The following SLC2A1 variants were observed in gnomAD, a reference collection of about 807,000 sequenced individuals.
The protein encoded by SLC2A1 is solute carrier family 2 member 1, also known as solute carrier family 2, facilitated glucose transporter member 1.
A neutral mutation model predicts 46.6 loss-of-function variants in SLC2A1; 4 were observed. That is an observed-to-expected ratio of 0.09 (90% CI 0.04 to 0.20). The LOEUF (loss-of-function observed/expected upper bound fraction) is 0.20. Ranked by LOEUF, SLC2A1 falls within the 10% of genes least tolerant of loss-of-function variation. The probability of loss-of-function intolerance (pLI) is 1.00; values close to 1 mark genes in which losing one functional copy is unlikely to be tolerated. For missense variants in SLC2A1, 352 were observed against 667.0 expected (o/e 0.53, Z 5.20); for synonymous variants, 253 against 270.0 (o/e 0.94, Z 0.62).
intron 1 of SLC2A1, among the ~76,000 whole-genome samples, chr1:42,943,567 T>C (rs1194160974): frequency 6.6e-6 from 1 of 152,084 alleles, no homozygotes; most frequent in African/African-American, 2.4e-5. Context: ...CTTCTCTCTC[T>C]GTAGCCAGGT....
At chr1:42,949,442 C>T (rs1448249696) in intron 1 of SLC2A1, among the ~76,000 whole-genome samples, 1 of 152,154 alleles carries the variant, frequency 6.6e-6, no homozygotes, top group Non-Finnish European at 1.5e-5. Flanking sequence ...ACCCTCTGAC[C>T]GGTTCCATCC....
chr1:42,953,985 C>T (rs1643749176), intron 1 of SLC2A1, among the ~76,000 whole-genome samples: 1 of 152,194 alleles, frequency 6.6e-6, no homozygotes, highest in East Asian at 1.9e-4. Flanking sequence ...AGCCAAGTCT[C>T]TATTTACTGA....
At chr1:42,952,425 A>G (rs751020517) in intron 1 of SLC2A1, 2 of 475,680 alleles carry the variant, frequency 4.2e-6, no homozygotes, top group South Asian at 3.0e-5. Context: ...CGAGTTGGGG[A>G]TAAGGACTTC....
In SLC2A1 at chr1:42,954,959, T is replaced by C. The variant is rs894309102; in HGVS notation, c.18+3675A>G. Among the ~76,000 whole-genome samples, 50 of 152,148 alleles carry C rather than the reference T, an allele frequency of 3.3e-4. No homozygotes were observed. Among genetic ancestry groups the C allele is most frequent in the African/African-American group, 1.2e-3 (50 of 41,420 alleles). ...GCAGGGCACTCACATGAGCTGACCC[T>C]CCCTGGCCTGGCACTCTCACCCATG... On this transcript the variant is annotated intron_variant, in intron 1 of 9. Transcript: ENST00000426263. This position sits in a 1 kb window ranked among gnomAD's most constrained non-coding sequence, Gnocchi z 4.2.
intron 2 of SLC2A1, among the ~76,000 whole-genome samples, chr1:42,938,905 T>C (rs1643569026): frequency 6.6e-6 from 1 of 152,212 alleles, no homozygotes; most frequent in Non-Finnish European, 1.5e-5. Context: ...TGAAGCCCTC[T>C]GTTAGTGACA....
Position 42,929,377 on chromosome 1 carries a change from G to T in SLC2A1, c.868-63C>A. The T allele has an allele frequency of 7.3e-7, 1 of 1,365,100 alleles. No individual in the cohort carries two copies. Among genetic ancestry groups the T allele is most frequent in the Non-Finnish European group, 1.0e-6 (1 of 971,150 alleles). The allele number at this position is 1,365,100 out of a possible 1,614,324, so 84.6% of individuals were successfully genotyped here. A position where few individuals can be genotyped will look rare whatever the true frequency, so the allele number is the denominator to read the frequency against. On this transcript the variant is annotated intron_variant, in intron 6 of 9. Coordinates refer to ENST00000426263, the MANE Select transcript of SLC2A1 (RefSeq NM_006516.4). This position sits in a 1 kb window ranked among gnomAD's most constrained non-coding sequence, Gnocchi z 6.0. ...ATTGTGGCCCTTCCCTGCCTCTGTA[G>T]CAGTGGATGTGGGACCCAGGATGAG...
rs150229879 is a variant in SLC2A1 at position 42,928,041 on chromosome 1, G to A, written c.1075-233C>T. On this transcript the variant is annotated intron_variant, in intron 8 of 9. Transcript: ENST00000426263. ...GAGTCCACCCGCTGGGAGTGGTAAT[G>A]TGGTGTGCATGTGGACGGTGCTAAG... Among the ~76,000 whole-genome samples, 866 of 152,352 alleles carry A rather than the reference G, an allele frequency of 5.7e-3. 5 individuals carry two copies. Among genetic ancestry groups the A allele is most frequent in the African/African-American group, 0.02 (813 of 41,574 alleles).
intron 2 of SLC2A1, among the ~76,000 whole-genome samples, chr1:42,940,447 C>G (rs1643586139): frequency 6.6e-6 from 1 of 152,236 alleles, no homozygotes; most frequent in Non-Finnish European, 1.5e-5. Context: ...CGGCCGTGGA[C>G]AAACCAGACA....
At chr1:42,942,575 C>T (rs908960872) in intron 2 of SLC2A1, among the ~76,000 whole-genome samples, 4 of 151,438 alleles carry the variant, frequency 2.6e-5, no homozygotes, top group Non-Finnish European at 2.9e-5. Flanking sequence ...CCCTGTGGCT[C>T]CCTAGGGCAA....
chr1:42,929,978 T>G lies in SLC2A1; in HGVS notation c.574A>C (p.Ile192Leu), dbSNP rs746393667. The change falls in exon 5 of 10, where the codon ATC becomes CTC. Residue 192 changes from isoleucine to leucine, a missense_variant. By Grantham distance (5) the Ile-to-Leu change is conservative. This residue lies in a region of SLC2A1 where 167 missense variants were observed against 280.8 expected (regional missense o/e 0.59). Coordinates refer to ENST00000426263, the MANE Select transcript of SLC2A1 (RefSeq NM_006516.4). This position sits in a 1 kb window ranked among gnomAD's most constrained non-coding sequence, Gnocchi z 6.0. ...TGCAGCAGGGCCGGGATGAAGATGA[T>G]GCTCAGCAGCAGGGGCCACAGGTCC... ...NKDLWPLLLS[I>L]IFIPALLQCI... is the part of the protein sequence containing the mutation. 6.8e-6 allele frequency: 11 copies of G among 1,614,090 alleles called. No homozygotes were observed. The South Asian group carries it at 1.2e-4, about 18-fold the overall frequency.
In SLC2A1 at chr1:42,946,069, C is replaced by T. The variant is rs554702137; in HGVS notation, c.19-2748G>A. Among the ~76,000 whole-genome samples, 6 of 152,320 alleles carry T rather than the reference C, an allele frequency of 3.9e-5. No individual in the cohort carries two copies. In the East Asian group the frequency reaches 1.2e-3, roughly 29 times the overall value. On this transcript the variant is annotated intron_variant, in intron 1 of 9. Coordinates refer to ENST00000426263, the MANE Select transcript of SLC2A1 (RefSeq NM_006516.4). ...CTATGTGAGGTAAGTGCTATTATCA[C>T]AGGCCCTGTTTTACTGAGGTCTGCA...
rs373091595 is a variant in SLC2A1, at chr1:42,929,795, G to A, written c.680-15C>T. On this transcript the variant is annotated splice_polypyrimidine_tract_variant and intron_variant, in intron 5 of 9. Coordinates refer to ENST00000426263, the MANE Select transcript of SLC2A1 (RefSeq NM_006516.4). The surrounding 1 kb of genome is among the most constrained non-coding windows in gnomAD (Gnocchi z 6.0). The stretch of plus-strand genomic sequence containing the variant: ...CTTCTTTAGCACTGGGGGGACCGGA[G>A]GGAAGGTGAGGGTGGCTCAGAGTGG... 7 of 1,614,136 alleles carry A rather than the reference G, an allele frequency of 4.3e-6. No individual in the cohort carries two copies. Among genetic ancestry groups the A allele is most frequent in the African/African-American group, 1.3e-5 (1 of 74,946 alleles).
chr1:42,952,178 G>C (rs548627193), intron 1 of SLC2A1: 5 of 506,518 alleles, frequency 9.9e-6, no homozygotes, highest in Non-Finnish European at 1.8e-5. Flanking sequence ...AATAAGCAGG[G>C]GTGATCTTTA....
At chr1:42,949,324 G>A (rs1480556030) in intron 1 of SLC2A1, among the ~76,000 whole-genome samples, 1 of 152,128 alleles carries the variant, frequency 6.6e-6, no homozygotes, top group Non-Finnish European at 1.5e-5. Flanking sequence ...CTGTAACATC[G>A]GCACTTGACA....
In SLC2A1 at chr1:42,929,698, C is replaced by T. The variant is rs1198285991; in HGVS notation, c.762G>A (p.Glu254=). 5 of 1,613,910 alleles carry T rather than the reference C, an allele frequency of 3.1e-6. No individual in the cohort carries two copies. The South Asian group carries it at 3.3e-5, about 11-fold the overall frequency. ...ACAGCTCCAGGATGGTGACCTTCTT[C>T]TCCCGCATCATCTGCCGACTCTCTT... is the stretch of plus-strand genomic sequence containing the variant. The part of the protein sequence containing the change: ...MKEESRQMMR[E]KKVTILELFR... Residue 254 remains glutamate (E), a synonymous_variant, in exon 6 of 10, where the codon GAG becomes GAA. Coordinates refer to ENST00000426263, the MANE Select transcript of SLC2A1 (RefSeq NM_006516.4). This position sits in a 1 kb window ranked among gnomAD's most constrained non-coding sequence, Gnocchi z 6.0.
chr1:42,942,735 C>T (rs1268639824), intron 2 of SLC2A1, among the ~76,000 whole-genome samples: 1 of 151,970 alleles, frequency 6.6e-6, no homozygotes, highest in Non-Finnish European at 1.5e-5. Context: ...AGCTCTGTCT[C>T]TGACTTAGCT....
rs1643478140 is a variant in SLC2A1, at chr1:42,930,597, CCAGG to C, written c.516+25_516+28del. On this transcript the variant is annotated intron_variant, in intron 4 of 9. Transcript: ENST00000426263. This position sits in a 1 kb window ranked among gnomAD's most constrained non-coding sequence, Gnocchi z 6.2. ...ACTGAAGCTGTGGGCAGGGGCCGTG[CCAGG>C]CAGGTAGATCCTGCCCCAGCTTACC... The C allele has an allele frequency of 6.2e-7, 1 of 1,611,654 alleles. No homozygotes were observed. Among genetic ancestry groups the C allele is most frequent in the Non-Finnish European group, 8.5e-7 (1 of 1,179,134 alleles).
rs1225505696 is a variant in SLC2A1, at chr1:42,928,371, G to A, written c.1074+561C>T. The stretch of plus-strand genomic sequence containing the variant: ...TTCCTTGCCCAGAGGCTAAATAAAC[G>A]AGTGCCTGTGTGTGAGTGCCAGGCA... On this transcript the variant is annotated intron_variant, in intron 8 of 9. Transcript: ENST00000426263. Among the ~76,000 whole-genome samples the A allele has an allele frequency of 4.6e-5, 7 of 152,266 alleles. No homozygotes were observed. In the East Asian group the frequency reaches 1.2e-3, roughly 25 times the overall value.
In SLC2A1 at chr1:42,927,475, A is replaced by G; in HGVS notation, c.1278+130T>C. 1 of 963,932 alleles carries G rather than the reference A, an allele frequency of 1.0e-6. No homozygotes were observed. 59.7% of individuals were successfully genotyped at this position (963,932 alleles called of 1,614,324 possible). ...GGAGTTGAGGTCAGCATTCTTGGTC[A>G]TGTGACCTGGGCTTCCTACCCTCAG... On this transcript the variant is annotated intron_variant, in intron 9 of 9. Transcript: ENST00000426263. This position sits in a 1 kb window ranked among gnomAD's most constrained non-coding sequence, Gnocchi z 5.3.
Sources: gnomAD v4.1 joint callset for allele counts (sites outside exome capture counted in the v4.1 genomes callset) on GRCh38, gnomAD v4.1.1 for gene constraint, gnomAD v4.1.1 regional missense constraint, Gnocchi (gnomAD v3.1) non-coding constraint, MANE v1.5 for transcripts, NCBI Gene and HGNC (gene_info 2026-07-23, HGNC 2026-07-21) for gene names.